The following PDE4B variants were observed in gnomAD, a reference collection of about 807,000 sequenced individuals.
The protein encoded by PDE4B is phosphodiesterase 4B, also known as 3',5'-cyclic-AMP phosphodiesterase 4B.
In PDE4B, 20 loss-of-function variants were observed where a neutral mutation model predicts 82.2. The observed-to-expected ratio is 0.24, with a 90% CI of 0.17 to 0.35. PDE4B has a LOEUF of 0.35. Ranked by LOEUF, PDE4B falls within the 10% of genes least tolerant of loss-of-function variation. The pLI is 1.00. For synonymous variants in PDE4B, 320 were observed against 318.9 expected, an observed-to-expected ratio of 1.00 and a Z score of -0.04; for missense variants, 655 against 907.2, an observed-to-expected ratio of 0.72 and a Z score of 3.57.
chr1:66,107,520 CAA>C (rs5774797), intron 3 of PDE4B, among the ~76,000 whole-genome samples: 19 of 147,936 alleles, frequency 1.3e-4, no homozygotes, highest in Non-Finnish European at 2.1e-4. Flanking sequence ...ACAAAACAAA[CAA>C]AAAAAAAAAC....
intron 8 of PDE4B, among the ~76,000 whole-genome samples, chr1:66,338,784 C>T (rs970142333): frequency 6.6e-6 from 1 of 151,908 alleles, no homozygotes; most frequent in Non-Finnish European, 1.5e-5. Context: ...TTTGGGAGGC[C>T]GAGGCGGGCG....
At chr1:66,111,031 G>A (rs185237163) in intron 3 of PDE4B, among the ~76,000 whole-genome samples, 23 of 152,068 alleles carry the variant, frequency 1.5e-4, no homozygotes, top group Admixed American at 1.5e-3. Flanking sequence ...TTATCATGAG[G>A]ATTAAACTAT....
chr1:66,176,580 G>T (rs534833893), intron 3 of PDE4B, among the ~76,000 whole-genome samples: 39 of 152,300 alleles, frequency 2.6e-4, no homozygotes, highest in Non-Finnish European at 5.4e-4. Context: ...CATATTAAAA[G>T]ATAATCAAGT....
chr1:65,996,280 C>T (rs1003222623), intron 3 of PDE4B, among the ~76,000 whole-genome samples: 2 of 151,892 alleles, frequency 1.3e-5, no homozygotes, highest in African/African-American at 4.8e-5. Context: ...AATCTTACTA[C>T]TTTATAGTCC....
intron 1 of PDE4B, among the ~76,000 whole-genome samples, chr1:65,856,800 T>C (rs1357751899): frequency 6.6e-6 from 1 of 152,182 alleles, no homozygotes; most frequent in East Asian, 1.9e-4. Flanking sequence ...CAACCAACAG[T>C]CAATCAAAAG....
At chr1:65,887,037 T>A (rs1224582649) in intron 1 of PDE4B, among the ~76,000 whole-genome samples, 1 of 151,526 alleles carries the variant, frequency 6.6e-6, no homozygotes, top group African/African-American at 2.4e-5. Context: ...CATCTGCTAT[T>A]TTTTTTGTTT....
chr1:66,012,442 CT>C (rs1569971923), intron 3 of PDE4B, among the ~76,000 whole-genome samples: 2 of 152,052 alleles, frequency 1.3e-5, no homozygotes, highest in East Asian at 3.9e-4. Flanking sequence ...TTGTTTTTTG[CT>C]TTTGTGTTCT....
intron 1 of PDE4B, among the ~76,000 whole-genome samples, chr1:65,873,630 G>C (rs1193429556): frequency 6.6e-6 from 1 of 152,122 alleles, no homozygotes; most frequent in Non-Finnish European, 1.5e-5. Flanking sequence ...ATTTAAAAAT[G>C]TTTGGGAAAT....
In PDE4B at chr1:66,186,878, G is replaced by A. The variant is rs1363026431; in HGVS notation, c.282-60582G>A. 3.3e-5 allele frequency among the ~76,000 whole-genome samples: 5 copies of A among 152,176 alleles called. No individual in the cohort carries two copies. The East Asian group carries it at 9.6e-4, about 29-fold the overall frequency. On this transcript the variant is annotated intron_variant, in intron 3 of 16. Transcript: ENST00000341517. ...AGAGCTTCCAACACTATGTTGAATA[G>A]GAGTGATGAGAGAGGGCATCCCTGT...
intron 3 of PDE4B, among the ~76,000 whole-genome samples, chr1:66,049,345 T>G (rs1471388311): frequency 6.6e-6 from 1 of 152,076 alleles, no homozygotes; most frequent in East Asian, 1.9e-4. Flanking sequence ...ACATTTCCCA[T>G]GCCTGGTTGT....
At chr1:66,167,705 T>C (rs1423852279) in intron 3 of PDE4B, among the ~76,000 whole-genome samples, 1 of 152,220 alleles carries the variant, frequency 6.6e-6, no homozygotes, top group Non-Finnish European at 1.5e-5. Context: ...AATAGGTTAC[T>C]TCCTTTCCAT....
intron 3 of PDE4B, among the ~76,000 whole-genome samples, chr1:66,101,866 G>A (rs961659876): frequency 3.9e-5 from 6 of 152,068 alleles, no homozygotes; most frequent in Non-Finnish European, 7.4e-5. Flanking sequence ...TTTGGCTTTT[G>A]TTGCCATTGT....
chr1:65,980,520 T>G lies in PDE4B; in HGVS notation c.281+61685T>G, dbSNP rs538960831. On this transcript the variant is annotated intron_variant, in intron 3 of 16. Transcript: ENST00000341517. Reference sequence around the variant, plus strand: ...TGACTTTAGAATATAAATCACTTGTTATAAAAGGGGGGTGTTGGTGTTTCT... The same window carrying G: ...TGACTTTAGAATATAAATCACTTGTGATAAAAGGGGGGTGTTGGTGTTTCT... Among the ~76,000 whole-genome samples, 13 of 152,316 alleles carry G rather than the reference T, an allele frequency of 8.5e-5. 1 individual carries two copies. In the South Asian group the frequency reaches 1.0e-3, roughly 12 times the overall value.
chr1:66,001,435 T>G (rs985521134), intron 3 of PDE4B, among the ~76,000 whole-genome samples: 4 of 152,192 alleles, frequency 2.6e-5, no homozygotes, highest in African/African-American at 9.6e-5. Context: ...TTTCCATGTA[T>G]CAAGCTTGCT....
At chr1:65,966,206 G>A (rs1294515804) in intron 3 of PDE4B, among the ~76,000 whole-genome samples, 1 of 152,082 alleles carries the variant, frequency 6.6e-6, no homozygotes, top group Non-Finnish European at 1.5e-5. Context: ...AAAGTCTCAG[G>A]ATATAAAATC....
intron 3 of PDE4B, among the ~76,000 whole-genome samples, chr1:65,930,856 G>A (rs1014438501): frequency 6.6e-6 from 1 of 152,172 alleles, no homozygotes; most frequent in African/African-American, 2.4e-5. Flanking sequence ...GGAAACTGTT[G>A]GGAAGGCATG....
At chr1:65,992,498 T>C in intron 3 of PDE4B, 1 of 159,250 alleles carries the variant, frequency 6.3e-6, no homozygotes, top group Non-Finnish European at 1.4e-5. Context: ...TATCCATTAG[T>C]GAATGCAGCT....
At chr1:65,933,351 T>C (rs1349268623) in intron 3 of PDE4B, among the ~76,000 whole-genome samples, 2 of 151,916 alleles carry the variant, frequency 1.3e-5, no homozygotes, top group African/African-American at 2.4e-5. Context: ...TGAAAAATAC[T>C]TGGCATGCCA....
At chr1:66,221,795 A>T (rs957912441) in intron 3 of PDE4B, among the ~76,000 whole-genome samples, 1 of 151,892 alleles carries the variant, frequency 6.6e-6, no homozygotes, top group Non-Finnish European at 1.5e-5. Flanking sequence ...CACTCCTTGT[A>T]TCTTTCTTTG....
Sources: gnomAD v4.1 joint callset for allele counts (sites outside exome capture counted in the v4.1 genomes callset) on GRCh38, gnomAD v4.1.1 for gene constraint, MANE v1.5 for transcripts, NCBI Gene and HGNC (gene_info 2026-07-23, HGNC 2026-07-21) for gene names.